Variants in FFAR4 observed in about 807,000 individuals in gnomAD.
FFAR4 encodes the protein G-protein coupled receptor 120.
A neutral mutation model predicts 27.0 loss-of-function variants in FFAR4; 19 were observed. That is an observed-to-expected ratio of 0.70 (90% confidence interval 0.49 to 1.03). The LOEUF is 1.03. Among genes scored for constraint, FFAR4 ranks in the 50% least tolerant of loss-of-function variants. The pLI, the probability that FFAR4 is intolerant of heterozygous loss-of-function variation, is 0.00. For synonymous variants in FFAR4, 254 were observed against 215.6 expected, an observed-to-expected ratio of 1.18 and a Z score of -1.56; for missense variants, 476 against 479.0, an observed-to-expected ratio of 0.99 and a Z score of 0.06.
chr10:93,574,008 A>G (rs1260902935), intron 1 of FFAR4, among the ~76,000 whole-genome samples: 1 of 152,268 alleles, frequency 6.6e-6, no homozygotes, highest in Non-Finnish European at 1.5e-5. Flanking sequence ...AGTCCTGCCT[A>G]GAAATAGACA....
chr10:93,573,035 C>T (rs1397709316), intron 1 of FFAR4, among the ~76,000 whole-genome samples: 4 of 152,208 alleles, frequency 2.6e-5, no homozygotes, highest in Admixed American at 6.5e-5. Context: ...CCCCTGGCCG[C>T]GGTCCTTCCA....
intron 1 of FFAR4, among the ~76,000 whole-genome samples, chr10:93,567,824 C>T (rs1247649065): frequency 2.6e-5 from 4 of 152,088 alleles, no homozygotes; most frequent in African/African-American, 9.7e-5. Context: ...TGAAAGCGCG[C>T]GGACAGGCAT....
At chr10:93,586,464 A>G (rs956110407) in intron 2 of FFAR4, among the ~76,000 whole-genome samples, 11 of 152,162 alleles carry the variant, frequency 7.2e-5, no homozygotes, top group Admixed American at 5.2e-4. Flanking sequence ...AGAACGGAAT[A>G]ATATAGGGAG....
chr10:93,569,308 A>G lies in FFAR4; in HGVS notation c.567+2021A>G, dbSNP rs17108953. ...TTTCAGTGATTTCAAGTATAACCCT[A>G]ATTAATTGGCAAATGACATTAAAAA... On this transcript the variant is annotated intron_variant, in intron 1 of 2. Coordinates refer to ENST00000371481, the MANE Select transcript of FFAR4 (RefSeq NM_001195755.2). 5.0e-3 allele frequency among the ~76,000 whole-genome samples: 755 copies of G among 152,282 alleles called. 6 individuals are homozygous for G. Among genetic ancestry groups the G allele is most frequent in the African/African-American group, 0.017 (719 of 41,550 alleles).
At chr10:93,582,681 C>T (rs780500367) in intron 2 of FFAR4, among the ~76,000 whole-genome samples, 3 of 152,170 alleles carry the variant, frequency 2.0e-5, no homozygotes, top group Non-Finnish European at 4.4e-5. Context: ...TGCCTTGCTT[C>T]AGCTCCCATC....
chr10:93,585,601 G>A (rs2058222455), intron 2 of FFAR4, among the ~76,000 whole-genome samples: 1 of 152,244 alleles, frequency 6.6e-6, no homozygotes, highest in Admixed American at 6.5e-5. Context: ...GGAGGACAGA[G>A]AAGGAGGATG....
rs548801845 is a variant in FFAR4 at position 93,569,326 on chromosome 10, A to G, written c.567+2039A>G. ...TAACCCTAATTAATTGGCAAATGAC[A>G]TTAAAAAATAAGACTCTTGTCACTT... On this transcript the variant is annotated intron_variant, in intron 1 of 2. Coordinates refer to ENST00000371481, the MANE Select transcript of FFAR4 (RefSeq NM_001195755.2). Among the ~76,000 whole-genome samples, 211 of 152,326 alleles carry G rather than the reference A, an allele frequency of 1.4e-3. 1 individual carries two copies. Among genetic ancestry groups the G allele is most frequent in the African/African-American group, 5.0e-3 (206 of 41,570 alleles).
At chr10:93,569,874 C>T (rs1028346682) in intron 1 of FFAR4, among the ~76,000 whole-genome samples, 6 of 151,606 alleles carry the variant, frequency 4.0e-5, no homozygotes, top group South Asian at 4.2e-4. Flanking sequence ...GCCTGGCCAA[C>T]GTGGTGAAAC....
At chr10:93,578,847 G>A (rs1253179361) in intron 2 of FFAR4, among the ~76,000 whole-genome samples, 1 of 152,222 alleles carries the variant, frequency 6.6e-6, no homozygotes, top group Non-Finnish European at 1.5e-5. Context: ...TGCTAGAGCA[G>A]GGCTGGCTGG....
rs1209267153 is a variant in FFAR4, at chr10:93,589,331, G to A, written c.*1722G>A. On this transcript the variant is annotated 3_prime_UTR_variant, in exon 3 of 3. Transcript: ENST00000371481. ...CTGGGCAGGGAATAGACTCTGAGGA[G>A]CATGAGTGAAAATGGAGACCAGTTG... is the stretch of plus-strand genomic sequence containing the variant. The A allele has an allele frequency of 6.6e-6, 1 of 152,496 alleles. No individual in the cohort carries two copies. The highest frequency in any genetic ancestry group is 1.5e-5 in the Non-Finnish European group (1 of 68,110). The allele number at this position is 152,496 out of a possible 1,614,324, so 9.4% of individuals were successfully genotyped here.
intron 2 of FFAR4, among the ~76,000 whole-genome samples, chr10:93,577,013 C>T (rs1346896013): frequency 1.3e-5 from 2 of 152,148 alleles, no homozygotes; most frequent in Non-Finnish European, 2.9e-5. Flanking sequence ...GTTGCTACTC[C>T]ACCCACCCCC....
intron 2 of FFAR4, among the ~76,000 whole-genome samples, chr10:93,580,982 G>A (rs922335132): frequency 2.5e-4 from 38 of 152,194 alleles, no homozygotes; most frequent in Non-Finnish European, 1.6e-4. Context: ...CTTGCTTGAC[G>A]TCATCGCCCA....
In FFAR4 at chr10:93,587,369, C is replaced by A; in HGVS notation, c.846C>A (p.Ile282=). ...TCATCATGTGGAGCCCCATCATCAT[C>A]ACCATCCTCCTCATCCTGATCCAGA... ...SFFIMWSPII[I]TILLILIQNF... The change falls in exon 3 of 3, where the codon ATC becomes ATA. Residue 282 remains isoleucine, a synonymous_variant. Coordinates refer to ENST00000371481, the MANE Select transcript of FFAR4 (RefSeq NM_001195755.2). 1 of 1,614,110 alleles carries A rather than the reference C, an allele frequency of 6.2e-7. No homozygotes were observed. The highest frequency in any genetic ancestry group is 8.5e-7 in the Non-Finnish European group (1 of 1,180,024).
rs760464049 is a variant in FFAR4 at position 93,587,473 on chromosome 10, AC to A, written c.954del (p.Ile319SerfsTer5). 9 of 1,613,312 alleles carry A rather than the reference AC, an allele frequency of 5.6e-6. No individual in the cohort carries two copies. The South Asian group carries it at 8.8e-5, about 16-fold the overall frequency. ...TTCACATTTGCTAATTCAGCCCTAA[AC>A]CCCATCCTCTACAACATGACACTGT... ...VAFTFANSAL[N>X]PILYNMTLCR... On this transcript the variant is annotated frameshift_variant, in exon 3 of 3. Transcript: ENST00000371481. LOFTEE classifies it high-confidence loss of function.
chr10:93,579,801 G>T (rs2058188120), intron 2 of FFAR4, among the ~76,000 whole-genome samples: 1 of 152,220 alleles, frequency 6.6e-6, no homozygotes, highest in Non-Finnish European at 1.5e-5. Flanking sequence ...TGGACAAAGA[G>T]TCCTAAGACA....
chr10:93,573,138 G>C (rs2058141571), intron 1 of FFAR4, among the ~76,000 whole-genome samples: 1 of 152,204 alleles, frequency 6.6e-6, no homozygotes, highest in Admixed American at 6.5e-5. Flanking sequence ...CTGTCCTGAA[G>C]TGTCCTAGCG....
intron 1 of FFAR4, among the ~76,000 whole-genome samples, chr10:93,568,244 G>A (rs575014629): frequency 6.6e-6 from 1 of 152,290 alleles, no homozygotes; most frequent in African/African-American, 2.4e-5. Context: ...GGAGGACAGT[G>A]GCCGCCGTCT....
intron 1 of FFAR4, among the ~76,000 whole-genome samples, chr10:93,574,119 T>C (rs2058148210): frequency 6.6e-6 from 1 of 152,112 alleles, no homozygotes; most frequent in Non-Finnish European, 1.5e-5. Context: ...GTGTGTTGGA[T>C]GGCCATATAC....
At chr10:93,586,209 T>C (rs1264440805) in intron 2 of FFAR4, among the ~76,000 whole-genome samples, 1 of 152,178 alleles carries the variant, frequency 6.6e-6, no homozygotes, top group Non-Finnish European at 1.5e-5. Context: ...GGGGATGGTT[T>C]CCCACAGGCT....
Sources: allele counts gnomAD v4.1 joint callset (sites outside exome capture counted in the v4.1 genomes callset), GRCh38; gene constraint gnomAD v4.1.1; transcripts MANE v1.5; gene names NCBI Gene and HGNC (gene_info 2026-07-23, HGNC 2026-07-21).